The following SNED1 variants were observed in gnomAD, a reference collection of about 807,000 sequenced individuals.
The protein encoded by SNED1 is sushi, nidogen and EGF like domains 1, also known as sushi, nidogen and EGF-like domain-containing protein 1.
A neutral mutation model predicts 166.7 loss-of-function variants in SNED1; 81 were observed. The observed-to-expected ratio is 0.49, with a 90% CI of 0.41 to 0.58. The LOEUF (loss-of-function observed/expected upper bound fraction) is 0.58. Ranked by LOEUF, SNED1 falls within the 20% of genes least tolerant of loss-of-function variation. The pLI is 0.00. For synonymous variants in SNED1, 762 were observed against 822.0 expected, an observed-to-expected ratio of 0.93 and a Z score of 1.25; for missense variants, 1,604 against 2,000.2, an observed-to-expected ratio of 0.80 and a Z score of 3.78.
At chr2:241,037,098 AC>A (rs2061396398) in intron 5 of SNED1, 141 bp from the exon 6 acceptor site, 4 of 1,001,334 alleles carry the variant, frequency 4.0e-6, no homozygotes, top group Non-Finnish European at 6.0e-6. Context: ...TGGAGTGAGC[AC>A]CATGGGCGGG....
chr2:241,065,185 C>CAAA, intron 20 of SNED1, 114 bp from the exon 21 acceptor site: 1 of 1,096,982 alleles, frequency 9.1e-7, no homozygotes, highest in Non-Finnish European at 1.3e-6. Context: ...ACTCTGCCAG[C>CAAA]GATGGCTGTG....
chr2:241,080,020 C>T (rs1387292350), intron 27 of SNED1, among the ~76,000 whole-genome samples: 5 of 152,140 alleles, frequency 3.3e-5, no homozygotes, highest in Admixed American at 6.5e-5. Flanking sequence ...CGCAGTGGCT[C>T]ACACCTGTAA....
intron 15 of SNED1, among the ~76,000 whole-genome samples, 196 bp downstream of exon 15, chr2:241,052,664 C>T (rs570141964): frequency 0.01 from 777 of 76,988 alleles, 39 homozygotes; most frequent in African/African-American, 0.036. Flanking sequence ...CATGGGACAC[C>T]GGTGCCAGGC....
rs373616563 is a variant in SNED1 at position 241,065,497 on chromosome 2, C to T, written c.2912C>T (p.Ala971Val). 22 of 1,612,728 alleles carry T rather than the reference C, an allele frequency of 1.4e-5. No homozygotes were observed. Among genetic ancestry groups the T allele is most frequent in the South Asian group, 2.2e-5 (2 of 91,068 alleles). ...TCCTCGCACCAGCTCCAGGCCCTGGCGGCCGGCAGGGCCTACAACATCTCC... is the reference window on the plus strand; with the variant it reads ...TCCTCGCACCAGCTCCAGGCCCTGGTGGCCGGCAGGGCCTACAACATCTCC... ...TRSSHQLQAL[A>V]AGRAYNISVF... is the part of the protein sequence containing the mutation. The change falls in exon 21 of 32, where the codon GCG (alanine) becomes GTG (valine). Residue 971 changes from alanine (A) to valine (V), a missense_variant. By Grantham distance (64) the Ala-to-Val change is moderately conservative (BLOSUM62 0). Coordinates refer to ENST00000310397, the MANE Select transcript of SNED1 (RefSeq NM_001080437.3).
chr2:241,042,927 T>G (rs190885584), intron 8 of SNED1, among the ~76,000 whole-genome samples: 139 of 152,174 alleles, frequency 9.1e-4, no homozygotes, highest in African/African-American at 3.3e-3. Context: ...TGGAGAACAG[T>G]ATCAAGCAGC....
chr2:241,048,350 C>A lies in SNED1; in HGVS notation c.1309C>A (p.Pro437Thr). ...HPVPDACLSA[P>T]CHNGGTCVDA... The stretch of plus-strand genomic sequence containing the variant: ...AGTGCCAGACGCCTGCCTCTCGGCC[C>A]CTTGCCACAATGGGGGCACCTGTGT... The change falls in exon 9 of 32, where the codon CCT becomes ACT. Residue 437 changes from proline to threonine, a missense_variant. Coordinates refer to ENST00000310397, the MANE Select transcript of SNED1 (RefSeq NM_001080437.3). 1.9e-6 allele frequency: 3 copies of A among 1,611,140 alleles called. No homozygotes were observed. The East Asian group carries it at 6.7e-5, about 36-fold the overall frequency.
intron 27 of SNED1, 84 bp from the exon 28 acceptor site, chr2:241,081,593 A>AGG (rs3085964): frequency 0.11 from 111,681 of 1,030,002 alleles, 8,934 homozygotes; most frequent in African/African-American, 0.36. Context: ...GCATCAGGTC[A>AGG]TCAAGGAAGG....
In SNED1 at chr2:241,092,769, C is replaced by T. The variant is rs1559328501; in HGVS notation, c.*1133C>T. On this transcript the variant is annotated 3_prime_UTR_variant, in exon 32 of 32. Transcript: ENST00000310397. This position sits in a 1 kb window ranked among gnomAD's most constrained non-coding sequence, Gnocchi z 4.6. The stretch of plus-strand genomic sequence containing the variant: ...TAGTAAACACGATCTTAGACATCCC[C>T]ATCTTTGTAAGCAGAACAGTACGGC... 1 of 152,222 alleles carries T rather than the reference C, an allele frequency of 6.6e-6. No individual in the cohort carries two copies. Among genetic ancestry groups the T allele is most frequent in the Non-Finnish European group, 1.5e-5 (1 of 68,062 alleles). 9.4% of individuals were successfully genotyped at this position (152,222 alleles called of 1,614,324 possible).
rs560169033 is a variant in SNED1 at position 241,068,414 on chromosome 2, G to A, written c.3194+467G>A. On this transcript the variant is annotated intron_variant, in intron 22 of 31. Transcript: ENST00000310397. The surrounding 1 kb of genome is among the most constrained non-coding windows in gnomAD (Gnocchi z 5.3). ...CACAGTGGACCCCTGTGATTTGGTC[G>A]CCAACCAAAGAGAAAGCTTCCGAAT... is the stretch of plus-strand genomic sequence containing the variant. Among the ~76,000 whole-genome samples, 36 of 152,092 alleles carry A rather than the reference G, an allele frequency of 2.4e-4. No homozygotes were observed. The highest frequency in any genetic ancestry group is 7.0e-4 in the African/African-American group (29 of 41,472).
At chr2:241,033,488 G>T in intron 2 of SNED1, 2 of 482,272 alleles carry the variant, frequency 4.1e-6, no homozygotes, top group Non-Finnish European at 7.3e-6. Context: ...CCCACCCCAG[G>T]TGTTTCACTC....
Position 241,009,396 on chromosome 2 carries a change from G to C in SNED1, c.213+10346G>C, listed in dbSNP as rs943746910. ...CTCTAGGGGATTGGGCTGTGGCCCT[G>C]CTGACCATAGGGACTGGTGGAGCAC... On this transcript the variant is annotated intron_variant, in intron 1 of 31. Coordinates refer to ENST00000310397, the MANE Select transcript of SNED1 (RefSeq NM_001080437.3). Among the ~76,000 whole-genome samples the C allele has an allele frequency of 4.6e-5, 7 of 152,178 alleles. No homozygotes were observed. In the East Asian group the frequency reaches 5.8e-4, roughly 13 times the overall value.
Position 241,082,365 on chromosome 2 carries a change from G to GT in SNED1, c.4121+2dup, listed in dbSNP as rs1559310622. The GT allele has an allele frequency of 6.2e-7, 1 of 1,612,262 alleles. No homozygotes were observed. The highest frequency in any genetic ancestry group is 1.1e-5 in the South Asian group (1 of 91,032). On this transcript the variant is annotated splice_donor_variant, in intron 29 of 31. Transcript: ENST00000310397. LOFTEE classifies it high-confidence loss of function. ...GGGAGGGAGGCGTCTGTCACCACGT[G>GT]TAAGTTGGTTTCTGTCCTCCGCCTT...
chr2:241,090,554 C>T, intron 31 of SNED1: 1 of 1,307,666 alleles, frequency 7.6e-7, no homozygotes, highest in Non-Finnish European at 1.0e-6. Flanking sequence ...GACTTCTATA[C>T]ACAGGGCAGT....
At chr2:241,032,394 T>C (rs1293386201) in intron 2 of SNED1, among the ~76,000 whole-genome samples, 5 of 150,126 alleles carry the variant, frequency 3.3e-5, no homozygotes, top group African/African-American at 4.9e-5. Context: ...GAGCCACATT[T>C]AGAAGTGCCA....
chr2:241,088,748 G>A (rs2063716903), intron 31 of SNED1: 3 of 304,968 alleles, frequency 9.8e-6, no homozygotes, highest in Admixed American at 9.7e-5. Context: ...CCTTGGAGAG[G>A]CTGGAAGACC....
chr2:241,032,490 G>T (rs949283034), intron 2 of SNED1, among the ~76,000 whole-genome samples: 7 of 150,552 alleles, frequency 4.6e-5, no homozygotes, highest in Non-Finnish European at 8.9e-5. Context: ...GTCGTGGGGT[G>T]GGGGGGTCGG....
At chr2:241,046,049 G>A (rs1386479617) in intron 8 of SNED1, among the ~76,000 whole-genome samples, 2 of 152,040 alleles carry the variant, frequency 1.3e-5, no homozygotes, top group African/African-American at 4.8e-5. Context: ...GTGAATAAAC[G>A]GATGGAAAAA....
Position 240,999,797 on chromosome 2 carries a change from C to T in SNED1, c.213+747C>T, listed in dbSNP as rs2060022004. ...GTGACCCCAGGCCAAGCCCTTATGG[C>T]AGCCCAGGGAATGAAATGCACCTGG... On this transcript the variant is annotated intron_variant, in intron 1 of 31. Transcript: ENST00000310397. This position sits in a 1 kb window ranked among gnomAD's most constrained non-coding sequence, Gnocchi z 5.8. 6.6e-6 allele frequency among the ~76,000 whole-genome samples: 1 copy of T among 152,182 alleles called. No homozygotes were observed. The highest frequency in any genetic ancestry group is 1.5e-5 in the Non-Finnish European group (1 of 68,016).
chr2:241,082,370 T>G lies in SNED1; in HGVS notation c.4121+6T>G. 6.2e-7 allele frequency: 1 copy of G among 1,609,878 alleles called. No individual in the cohort carries two copies. Among genetic ancestry groups the G allele is most frequent in the South Asian group, 1.1e-5 (1 of 90,984 alleles). ...GGAGGCGTCTGTCACCACGTGTAAG[T>G]TGGTTTCTGTCCTCCGCCTTACCGC... is the stretch of plus-strand genomic sequence containing the variant. On this transcript the variant is annotated splice_donor_region_variant and intron_variant, in intron 29 of 31. Coordinates refer to ENST00000310397, the MANE Select transcript of SNED1 (RefSeq NM_001080437.3).
Sources: allele counts gnomAD v4.1 joint callset (sites outside exome capture counted in the v4.1 genomes callset), GRCh38; gene constraint gnomAD v4.1.1; non-coding constraint Gnocchi (gnomAD v3.1); transcripts MANE v1.5; gene names NCBI Gene and HGNC (gene_info 2026-07-23, HGNC 2026-07-21).